Variants in ITGB5 observed in about 807,000 individuals in gnomAD.
The protein encoded by ITGB5 is integrin subunit beta 5.
In ITGB5, 38 loss-of-function variants were observed where a neutral mutation model predicts 84.8. That is an observed-to-expected ratio of 0.45 (90% CI 0.35 to 0.59). ITGB5 has a LOEUF of 0.59. ITGB5 is among the 20% of genes least tolerant of loss of function. ITGB5 has a pLI of 0.01. For synonymous variants in ITGB5, 393 were observed against 414.4 expected (o/e 0.95, Z 0.63); for missense variants, 905 against 1,034.5 (o/e 0.87, Z 1.72).
At chr3:124,851,394 G>A (rs1054709448) in intron 3 of ITGB5, among the ~76,000 whole-genome samples, 2 of 152,158 alleles carry the variant, frequency 1.3e-5, no homozygotes, top group African/African-American at 4.8e-5. Flanking sequence ...GCAATTTCCT[G>A]TGAGGATAAA....
intron 9 of ITGB5, among the ~76,000 whole-genome samples, chr3:124,803,909 C>T (rs1422957794): frequency 6.6e-6 from 1 of 152,188 alleles, no homozygotes; most frequent in Non-Finnish European, 1.5e-5. Flanking sequence ...TACCTGTATG[C>T]TTTGTGCCTC....
At chr3:124,846,871 G>A (rs981186919) in intron 4 of ITGB5, among the ~76,000 whole-genome samples, 9 of 152,136 alleles carry the variant, frequency 5.9e-5, no homozygotes, top group African/African-American at 2.2e-4. Context: ...GGAGGCGGAG[G>A]TTGCAGGGAG....
intron 3 of ITGB5, among the ~76,000 whole-genome samples, chr3:124,854,860 A>G (rs745680321): frequency 1.3e-5 from 2 of 152,204 alleles, no homozygotes; most frequent in Non-Finnish European, 2.9e-5. Context: ...ACCTTGGAAC[A>G]ATTACTTTGC....
intron 5 of ITGB5, among the ~76,000 whole-genome samples, chr3:124,822,483 C>G (rs1328703133): frequency 1.3e-5 from 2 of 152,182 alleles, no homozygotes; most frequent in East Asian, 1.9e-4. Context: ...GGGTATCATC[C>G]TCTCTTACTT....
chr3:124,890,048 C>T (rs962180045), upstream of ITGB5, among the ~76,000 whole-genome samples: 3 of 152,022 alleles, frequency 2.0e-5, no homozygotes, highest in African/African-American at 7.2e-5. Context: ...CCTGAAAGAG[C>T]TTGAGCTATG....
At chr3:124,899,038 G>T (rs1199762836) in intron 1 of ITGB5, among the ~76,000 whole-genome samples, 4 of 151,258 alleles carry the variant, frequency 2.6e-5, no homozygotes. Flanking sequence ...TTGCGCCATT[G>T]CATTCCAGCC....
intron 2 of ITGB5, among the ~76,000 whole-genome samples, chr3:124,869,001 A>T (rs2065437228): frequency 6.6e-6 from 1 of 152,102 alleles, no homozygotes; most frequent in Admixed American, 6.5e-5. Context: ...TTAGGTTACA[A>T]GGAATGTGAA....
rs1934850951 is a variant in ITGB5 at position 124,887,015 on chromosome 3, C to T, written c.-15G>A. 1 of 1,156,684 alleles carries T rather than the reference C, an allele frequency of 8.6e-7. No individual in the cohort carries two copies. 71.7% of individuals were successfully genotyped at this position (1,156,684 alleles called of 1,614,324 possible). Reference sequence around the variant, plus strand: ...GCCCGCGGCATGGTGGGGCGCCTCCCTCAGCGGCGGCGCGGTCGCTGCACT... The same window carrying T: ...GCCCGCGGCATGGTGGGGCGCCTCCTTCAGCGGCGGCGCGGTCGCTGCACT... On this transcript the variant is annotated 5_prime_UTR_variant, in exon 1 of 15. Transcript: ENST00000296181.
At chr3:124,804,126 A>G (rs1191346168) in intron 9 of ITGB5, among the ~76,000 whole-genome samples, 1 of 152,212 alleles carries the variant, frequency 6.6e-6, no homozygotes, top group Non-Finnish European at 1.5e-5. Context: ...GCATCTGGAA[A>G]GAGTTCTGAC....
At chr3:124,868,972 G>A (rs1282823437) in intron 2 of ITGB5, among the ~76,000 whole-genome samples, 2 of 152,158 alleles carry the variant, frequency 1.3e-5, no homozygotes, top group Non-Finnish European at 2.9e-5. Context: ...GGGAGGAGAC[G>A]TGGCCAGCAG....
chr3:124,815,690 C>T (rs2064578901), intron 8 of ITGB5, among the ~76,000 whole-genome samples: 1 of 152,140 alleles, frequency 6.6e-6, no homozygotes, highest in African/African-American at 2.4e-5. Context: ...CGGCTCACAG[C>T]TCACACCAGC....
intron 1 of ITGB5, 87 bp downstream of exon 1, chr3:124,886,844 G>T: frequency 1.2e-6 from 1 of 844,146 alleles, no homozygotes. Context: ...CTCAGGCACC[G>T]CCTGCGCTCC....
chr3:124,886,923 C>T lies in ITGB5; in HGVS notation c.70+8G>A. The stretch of plus-strand genomic sequence containing the variant: ...GTTTCTCTGGGCGCCGTGGGCGGCG[C>T]GGCTTACCTGCGAGCCGGGGCAGGA... On this transcript the variant is annotated splice_region_variant and intron_variant, in intron 1 of 14. Coordinates refer to ENST00000296181, the MANE Select transcript of ITGB5 (RefSeq NM_002213.5). 2.5e-6 allele frequency: 3 copies of T among 1,212,090 alleles called. No individual in the cohort carries two copies. Among genetic ancestry groups the T allele is most frequent in the Non-Finnish European group, 3.1e-6 (3 of 975,148 alleles). The allele number at this position is 1,212,090 out of a possible 1,614,324, so 75.1% of individuals were successfully genotyped here.
chr3:124,886,867 G>A, intron 1 of ITGB5, 64 bp downstream of exon 1: 1 of 1,073,534 alleles, frequency 9.3e-7, no homozygotes, highest in Non-Finnish European at 1.2e-6. Context: ...GCCCCTCCGA[G>A]ACGCCCGCCC....
intron 5 of ITGB5, among the ~76,000 whole-genome samples, chr3:124,839,238 G>A (rs1354401484): frequency 6.6e-6 from 1 of 152,190 alleles, no homozygotes; most frequent in Non-Finnish European, 1.5e-5. Flanking sequence ...CCTGAAACTT[G>A]CTCACAAAGT....
At position 124,764,418 on chromosome 3, in the gene ITGB5, G is replaced by C. The variant is rs199862649; in HGVS notation, c.2277C>G (p.Ser759Arg). 3 of 1,612,456 alleles carry C rather than the reference G, an allele frequency of 1.9e-6. No individual in the cohort carries two copies. Among genetic ancestry groups the C allele is most frequent in the African/African-American group, 1.3e-5 (1 of 74,850 alleles). ...HDRREFAKFQ[S>R]ERSRARYEMA... is the part of the protein sequence containing the mutation. ...TTTCATAGCGGGCCCTGGATCGCTC[G>C]CTCTGAAACTTTGCAAACTCCCTCC... The change falls in exon 14 of 15, where the codon AGC becomes AGG. Residue 759 changes from serine to arginine, a missense_variant. By Grantham distance (110) the Ser-to-Arg change is moderately radical. Transcript: ENST00000296181.
chr3:124,827,795 A>G (rs1292952398), intron 5 of ITGB5, among the ~76,000 whole-genome samples: 1 of 152,196 alleles, frequency 6.6e-6, no homozygotes, highest in African/African-American at 2.4e-5. Flanking sequence ...TTCCACCACA[A>G]AAGTGAAAAT....
At chr3:124,886,400 C>G (rs2107655717) in intron 1 of ITGB5, among the ~76,000 whole-genome samples, 1 of 152,222 alleles carries the variant, frequency 6.6e-6, no homozygotes, top group East Asian at 1.9e-4. Flanking sequence ...CTAGGCGCAG[C>G]GAACTCCAGG....
intron 3 of ITGB5, among the ~76,000 whole-genome samples, chr3:124,855,343 C>A (rs771951067): frequency 5.1e-4 from 78 of 152,058 alleles, no homozygotes; most frequent in African/African-American, 1.8e-3. Flanking sequence ...GAAAAACCAA[C>A]CCCTATATAC....
Sources: gnomAD v4.1 joint callset for allele counts (sites outside exome capture counted in the v4.1 genomes callset) on GRCh38, gnomAD v4.1.1 for gene constraint, MANE v1.5 for transcripts, NCBI Gene and HGNC (gene_info 2026-07-23, HGNC 2026-07-21) for gene names.